CSMD1: variants seen among roughly 807,000 people sequenced by gnomAD.
The protein encoded by CSMD1 is CUB and sushi domain-containing protein 1.
In CSMD1, 213 loss-of-function variants were observed where a neutral mutation model predicts 417.5. That is an observed-to-expected ratio of 0.51 (90% confidence interval 0.46 to 0.57). The LOEUF (loss-of-function observed/expected upper bound fraction) is 0.57. Among genes scored for constraint, CSMD1 ranks in the 20% least tolerant of loss-of-function variants. CSMD1 has a pLI of 0.00. For missense variants in CSMD1, 6,923 were observed against 4,529.7 expected (o/e 1.53, Z -15.17); for synonymous variants, 2,862 against 1,736.8 (o/e 1.65, Z -16.11).
At chr8:2,965,510 C>T (rs1177074084) in intron 59 of CSMD1, among the ~76,000 whole-genome samples, 2 of 152,158 alleles carry the variant, frequency 1.3e-5, no homozygotes, top group East Asian at 1.9e-4. Flanking sequence ...TCTAGGGTGG[C>T]GTGACCGTCA....
At chr8:4,375,088 C>T (rs1369003073) in intron 3 of CSMD1, among the ~76,000 whole-genome samples, 1 of 151,742 alleles carries the variant, frequency 6.6e-6, no homozygotes, top group Admixed American at 6.6e-5. Flanking sequence ...TATTTCCAGG[C>T]ATGTTCATTG....
intron 1 of CSMD1, among the ~76,000 whole-genome samples, chr8:4,914,455 G>T (rs946546311): frequency 4.6e-5 from 7 of 151,960 alleles, no homozygotes; most frequent in Non-Finnish European, 7.4e-5. Context: ...GCGGGCCCCT[G>T]TAGTCCCAGC....
At chr8:3,969,728 A>G (rs1400136248) in intron 5 of CSMD1, among the ~76,000 whole-genome samples, 1 of 152,240 alleles carries the variant, frequency 6.6e-6, no homozygotes, top group Non-Finnish European at 1.5e-5. Flanking sequence ...CAATAAAATA[A>G]CCATGTGTAG....
chr8:4,291,564 T>C (rs1346555230), intron 3 of CSMD1, among the ~76,000 whole-genome samples: 3 of 152,218 alleles, frequency 2.0e-5, no homozygotes, highest in Non-Finnish European at 2.9e-5. Flanking sequence ...AGTGTAGAAA[T>C]TTTATTAAAG....
At position 3,882,641 on chromosome 8, in the gene CSMD1, C is replaced by G. The variant is rs80331293; in HGVS notation, c.818+115262G>C. On this transcript the variant is annotated intron_variant, in intron 5 of 69. Transcript: ENST00000635120. ...AAACTGAAAATTATGTAATTGCCCT[C>G]AGGGATATAAATAAGTTGTGGTATG... is the stretch of plus-strand genomic sequence containing the variant. 6.7e-3 allele frequency among the ~76,000 whole-genome samples: 1,024 copies of G among 152,236 alleles called. 13 individuals carry two copies. The highest frequency in any genetic ancestry group is 0.024 in the African/African-American group (989 of 41,550).
chr8:3,547,267 A>C (rs974061912), intron 10 of CSMD1, among the ~76,000 whole-genome samples: 7 of 152,224 alleles, frequency 4.6e-5, no homozygotes, highest in African/African-American at 1.7e-4. Context: ...ACCAAGAACA[A>C]AGACAGAAAG....
At chr8:3,522,363 T>A (rs1010658728) in intron 10 of CSMD1, among the ~76,000 whole-genome samples, 2 of 152,218 alleles carry the variant, frequency 1.3e-5, no homozygotes, top group African/African-American at 4.8e-5. Context: ...AAGGAATGTA[T>A]GTCAGGAACA....
chr8:3,892,796 T>C (rs957019555), intron 5 of CSMD1, among the ~76,000 whole-genome samples: 5 of 149,310 alleles, frequency 3.3e-5, no homozygotes, highest in African/African-American at 4.9e-5. Context: ...GACAGTCTTC[T>C]ACGTGAACTC....
intron 1 of CSMD1, among the ~76,000 whole-genome samples, chr8:4,704,628 C>T (rs1339889275): frequency 3.3e-5 from 5 of 152,204 alleles, no homozygotes; most frequent in Admixed American, 3.3e-4. Flanking sequence ...TACATTTCTT[C>T]TTTTAACCAT....
chr8:3,100,542 G>C (rs1198166424), intron 46 of CSMD1, among the ~76,000 whole-genome samples: 1 of 152,178 alleles, frequency 6.6e-6, no homozygotes, highest in Non-Finnish European at 1.5e-5. Flanking sequence ...GAAAACAACT[G>C]TGTCTCCACT....
chr8:4,610,457 T>G (rs568724207), intron 2 of CSMD1, among the ~76,000 whole-genome samples: 2 of 152,256 alleles, frequency 1.3e-5, no homozygotes, highest in Non-Finnish European at 1.5e-5. Flanking sequence ...GGTGTCTTCT[T>G]CAGGGACAGG....
intron 23 of CSMD1, among the ~76,000 whole-genome samples, chr8:3,337,270 T>G (rs1251890660): frequency 6.6e-6 from 1 of 152,216 alleles, no homozygotes; most frequent in African/African-American, 2.4e-5. Context: ...ACATACCAAT[T>G]TGGATGAAAT....
At position 3,731,393 on chromosome 8, in the gene CSMD1, T is replaced by C. The variant is rs149874067; in HGVS notation, c.931+22537A>G. Among the ~76,000 whole-genome samples the C allele has an allele frequency of 6.4e-4, 98 of 152,330 alleles. 1 individual carries two copies. In the East Asian group the frequency reaches 0.015, roughly 23 times the overall value. On this transcript the variant is annotated intron_variant, in intron 6 of 69. Coordinates refer to ENST00000635120, the MANE Select transcript of CSMD1 (RefSeq NM_033225.6). ...AGGCTAATACAGGGAGAAATGTTGC[T>C]TGTCTTGGTAAGAGTGTGGGATTCT... is the stretch of plus-strand genomic sequence containing the variant.
chr8:3,545,041 T>G (rs11996221), intron 10 of CSMD1, among the ~76,000 whole-genome samples: 8,864 of 152,216 alleles, frequency 0.058, 764 homozygotes, highest in African/African-American at 0.19. Flanking sequence ...AAAGTTAATT[T>G]CAAATATGGT....
chr8:4,987,342 G>T (rs141692327), intron 1 of CSMD1, among the ~76,000 whole-genome samples: 7 of 152,296 alleles, frequency 4.6e-5, no homozygotes, highest in Admixed American at 1.3e-4. Flanking sequence ...CAGCTATAAT[G>T]ATAACGGTGA....
At chr8:4,759,391 T>G (rs947068397) in intron 1 of CSMD1, among the ~76,000 whole-genome samples, 2 of 152,196 alleles carry the variant, frequency 1.3e-5, no homozygotes, top group Admixed American at 1.3e-4. Context: ...TATTATCCAA[T>G]GGCATCTGAG....
intron 3 of CSMD1, among the ~76,000 whole-genome samples, chr8:4,414,062 G>T (rs1370965781): frequency 6.6e-6 from 1 of 152,164 alleles, no homozygotes; most frequent in Non-Finnish European, 1.5e-5. Flanking sequence ...ATCCTGCCAG[G>T]TGCATCATGC....
intron 2 of CSMD1, among the ~76,000 whole-genome samples, chr8:4,468,639 A>C (rs111739272): frequency 6.6e-6 from 1 of 152,200 alleles, no homozygotes; most frequent in African/African-American, 2.4e-5. Flanking sequence ...AAAATGGTCC[A>C]TATCCTACTA....
chr8:3,133,299 C>A (rs1205259279), intron 41 of CSMD1, among the ~76,000 whole-genome samples: 2 of 152,210 alleles, frequency 1.3e-5, no homozygotes, highest in Non-Finnish European at 2.9e-5. Flanking sequence ...TCTCACTGCT[C>A]TCTCAACAGG....
Sources: gnomAD v4.1 joint callset for allele counts (sites outside exome capture counted in the v4.1 genomes callset) on GRCh38, gnomAD v4.1.1 for gene constraint, MANE v1.5 for transcripts, NCBI Gene and HGNC (gene_info 2026-07-23, HGNC 2026-07-21) for gene names.